Variants in RPF2 observed in about 807,000 individuals in gnomAD.
RPF2 encodes ribosome production factor 2 homolog.
Under a neutral mutation model 38.9 loss-of-function variants are expected in RPF2, and 21 were observed. The ratio of observed to expected loss-of-function variants is 0.54; its 90% CI spans 0.38 to 0.78. RPF2 has a LOEUF of 0.78. Ranked by LOEUF, RPF2 falls within the 30% of genes least tolerant of loss-of-function variation. RPF2 has a pLI of 0.00. For synonymous variants in RPF2, 121 were observed against 126.2 expected, an observed-to-expected ratio of 0.96 and a Z score of 0.28; for missense variants, 314 against 358.1, an observed-to-expected ratio of 0.88 and a Z score of 0.99.
chr6:111,023,087 A>G (rs1440434603), intron 8 of RPF2, among the ~76,000 whole-genome samples: 3 of 151,616 alleles, frequency 2.0e-5, no homozygotes, highest in Non-Finnish European at 4.4e-5. Context: ...TTTAGTAGAG[A>G]TGAGGTTTCA....
chr6:110,987,114 C>T (rs1411443268), intron 2 of RPF2, among the ~76,000 whole-genome samples: 3 of 152,018 alleles, frequency 2.0e-5, no homozygotes, highest in African/African-American at 7.3e-5. Flanking sequence ...GTTGCCCAGG[C>T]TGAAGTGCAG....
At chr6:110,984,036 T>A (rs559377227) in intron 1 of RPF2, among the ~76,000 whole-genome samples, 83 of 151,822 alleles carry the variant, frequency 5.5e-4, no homozygotes, top group African/African-American at 1.1e-3. Context: ...CTCAAAAAAA[T>A]AAATAAATAA....
intron 6 of RPF2, among the ~76,000 whole-genome samples, chr6:111,006,320 T>C (rs1364979683): frequency 1.3e-5 from 2 of 151,978 alleles, no homozygotes; most frequent in Admixed American, 6.6e-5. Context: ...CTACAACCTC[T>C]GTCTCTTGGG....
At chr6:111,022,513 GA>G (rs1347836704) in intron 8 of RPF2, among the ~76,000 whole-genome samples, 2 of 152,096 alleles carry the variant, frequency 1.3e-5, no homozygotes, top group African/African-American at 4.8e-5. Context: ...AGAAAAGTAT[GA>G]CATTGTACTT....
intron 7 of RPF2, among the ~76,000 whole-genome samples, chr6:111,012,116 T>G (rs1180268443): frequency 6.6e-6 from 1 of 151,960 alleles, no homozygotes; most frequent in Non-Finnish European, 1.5e-5. Flanking sequence ...GTTAACTTTT[T>G]TTCATGCAAG....
At chr6:111,019,663 G>A (rs1043639796) in intron 8 of RPF2, among the ~76,000 whole-genome samples, 2 of 152,038 alleles carry the variant, frequency 1.3e-5, no homozygotes, top group African/African-American at 4.8e-5. Flanking sequence ...CTTGAACCCG[G>A]GAGACAGAGG....
chr6:111,010,652 A>C (rs7752355), intron 7 of RPF2, among the ~76,000 whole-genome samples: 25 of 152,280 alleles, frequency 1.6e-4, no homozygotes, highest in African/African-American at 6.0e-4. Flanking sequence ...TTACAAGCTT[A>C]TGCTACACTT....
intron 2 of RPF2, among the ~76,000 whole-genome samples, chr6:110,986,635 A>G (rs1771530025): frequency 6.6e-6 from 1 of 152,148 alleles, no homozygotes; most frequent in Admixed American, 6.6e-5. Context: ...GTAGGTACTC[A>G]ATATATATGT....
intron 4 of RPF2, among the ~76,000 whole-genome samples, chr6:110,996,299 C>T (rs1041608130): frequency 6.6e-6 from 1 of 152,082 alleles, no homozygotes; most frequent in African/African-American, 2.4e-5. Flanking sequence ...CTGTCTAAGC[C>T]TCCTGAGTAG....
intron 4 of RPF2, among the ~76,000 whole-genome samples, chr6:110,992,898 G>A (rs530943290): frequency 1.5e-3 from 223 of 152,168 alleles, no homozygotes; most frequent in African/African-American, 4.9e-3. Flanking sequence ...AAAACGTAGC[G>A]AGACCCTGTC....
intron 8 of RPF2, among the ~76,000 whole-genome samples, chr6:111,020,414 G>A (rs943742411): frequency 2.0e-5 from 3 of 152,186 alleles, no homozygotes; most frequent in Admixed American, 6.5e-5. Flanking sequence ...ATCATTGACA[G>A]TAAGAAATGA....
At position 111,004,523 on chromosome 6, in the gene RPF2, C is replaced by T. The variant is rs999600491; in HGVS notation, c.394-3515C>T. 4.0e-5 allele frequency among the ~76,000 whole-genome samples: 6 copies of T among 150,488 alleles called. No individual in the cohort carries two copies. In the South Asian group the frequency reaches 1.1e-3, roughly 26 times the overall value. On this transcript the variant is annotated intron_variant, in intron 6 of 9. Coordinates refer to ENST00000441448, the MANE Select transcript of RPF2 (RefSeq NM_032194.3). ...AAAAATGGAATAGAGTAAAAAATATCAGTGCTGTATGTATTAAGTATTGGG... is the reference window on the plus strand; with the variant it reads ...AAAAATGGAATAGAGTAAAAAATATTAGTGCTGTATGTATTAAGTATTGGG...
chr6:111,004,771 G>A (rs765388425), intron 6 of RPF2, among the ~76,000 whole-genome samples: 3 of 151,848 alleles, frequency 2.0e-5, no homozygotes, highest in Non-Finnish European at 2.9e-5. Flanking sequence ...GTTTCACCAC[G>A]TTGGCCAGGT....
intron 6 of RPF2, among the ~76,000 whole-genome samples, chr6:111,000,469 C>A (rs1328096684): frequency 2.6e-5 from 4 of 152,128 alleles, no homozygotes. Context: ...AAATTGAACC[C>A]AGGAAGCTCT....
chr6:111,017,435 G>A (rs565938640), intron 8 of RPF2, among the ~76,000 whole-genome samples: 23,386 of 145,070 alleles, frequency 0.16, 2,371 homozygotes, highest in East Asian at 0.52. Context: ...TGCCGGATGG[G>A]GGGGCTCCTC....
At chr6:110,988,248 T>C (rs1236718172) in intron 2 of RPF2, among the ~76,000 whole-genome samples, 1 of 151,978 alleles carries the variant, frequency 6.6e-6, no homozygotes, top group Non-Finnish European at 1.5e-5. Context: ...TGTGGATAGG[T>C]AGAACTAGGA....
At chr6:111,005,127 A>G (rs1771887016) in intron 6 of RPF2, among the ~76,000 whole-genome samples, 1 of 152,160 alleles carries the variant, frequency 6.6e-6, no homozygotes, top group Non-Finnish European at 1.5e-5. Flanking sequence ...TATCAGACAG[A>G]CAGATGTTAG....
intron 5 of RPF2, among the ~76,000 whole-genome samples, chr6:110,997,899 CT>C (rs36109711): frequency 0.17 from 24,384 of 141,468 alleles, 2,003 homozygotes; most frequent in South Asian, 0.28. Flanking sequence ...TTCTTTTCTT[CT>C]TTTTTTTTTT....
intron 9 of RPF2, among the ~76,000 whole-genome samples, chr6:111,024,574 G>A (rs1004618016): frequency 4.6e-5 from 7 of 152,028 alleles, no homozygotes; most frequent in African/African-American, 9.7e-5. Context: ...TTAGCTGGGC[G>A]TGGTAGCGGG....
Sources: gnomAD v4.1 joint callset for allele counts (sites outside exome capture counted in the v4.1 genomes callset) on GRCh38, gnomAD v4.1.1 for gene constraint, MANE v1.5 for transcripts, NCBI Gene and HGNC (gene_info 2026-07-23, HGNC 2026-07-21) for gene names.